Variants in MYRIP observed in about 807,000 individuals in gnomAD.
MYRIP encodes the protein rab effector MyRIP.
A neutral mutation model predicts 98.0 loss-of-function variants in MYRIP; 49 were observed. The ratio of observed to expected loss-of-function variants is 0.50; its 90% CI spans 0.40 to 0.63. The LOEUF (loss-of-function observed/expected upper bound fraction) is 0.63, where lower values mean the gene tolerates loss of function less well. Ranked by LOEUF, MYRIP falls within the 30% of genes least tolerant of loss-of-function variation. MYRIP has a pLI of 0.00. For missense variants in MYRIP, 1,004 were observed against 1,058.2 expected (o/e 0.95, Z 0.71); for synonymous variants, 404 against 409.5 (o/e 0.99, Z 0.16).
At chr3:39,879,123 G>A (rs1164906166) in intron 1 of MYRIP, among the ~76,000 whole-genome samples, 2 of 151,052 alleles carry the variant, frequency 1.3e-5, no homozygotes, top group Non-Finnish European at 2.9e-5. Context: ...TATATGTAGA[G>A]GGAGAGAGTT....
chr3:39,971,433 TA>T (rs1945580768), intron 2 of MYRIP, among the ~76,000 whole-genome samples: 1 of 152,048 alleles, frequency 6.6e-6, no homozygotes, highest in South Asian at 2.1e-4. Flanking sequence ...AGATAATAGA[TA>T]GTGTATATAT....
At chr3:40,187,939 G>T (rs1297393061) in intron 9 of MYRIP, among the ~76,000 whole-genome samples, 1 of 152,188 alleles carries the variant, frequency 6.6e-6, no homozygotes, top group Non-Finnish European at 1.5e-5. Context: ...GGTGGAGAGG[G>T]ACACTGAAGG....
chr3:40,012,449 C>T (rs915893330), intron 2 of MYRIP, among the ~76,000 whole-genome samples: 1 of 152,202 alleles, frequency 6.6e-6, no homozygotes, highest in African/African-American at 2.4e-5. Flanking sequence ...AGTGTAATAG[C>T]TTAGGTTTTT....
chr3:39,862,520 A>G (rs890361645), intron 1 of MYRIP, among the ~76,000 whole-genome samples: 4 of 152,176 alleles, frequency 2.6e-5, no homozygotes, highest in Non-Finnish European at 4.4e-5. Context: ...AAAAAATACT[A>G]TAAGCCACTA....
At chr3:40,104,167 T>C (rs564134485) in intron 3 of MYRIP, among the ~76,000 whole-genome samples, 4 of 152,326 alleles carry the variant, frequency 2.6e-5, no homozygotes, top group African/African-American at 9.6e-5. Flanking sequence ...TTGGGCTATA[T>C]AGTGGCCACT....
chr3:40,154,192 T>A (rs933226844), intron 4 of MYRIP, among the ~76,000 whole-genome samples: 4 of 151,924 alleles, frequency 2.6e-5, no homozygotes, highest in Non-Finnish European at 5.9e-5. Context: ...GTCTCACGTA[T>A]CACCCATCAC....
intron 3 of MYRIP, among the ~76,000 whole-genome samples, chr3:40,148,821 G>A (rs568362133): frequency 4.6e-5 from 7 of 152,244 alleles, no homozygotes; most frequent in African/African-American, 1.7e-4. Context: ...TTTGAACAAA[G>A]GACTTAGTTG....
intron 3 of MYRIP, among the ~76,000 whole-genome samples, chr3:40,049,505 T>C (rs1947742513): frequency 6.6e-6 from 1 of 152,186 alleles, no homozygotes; most frequent in African/African-American, 2.4e-5. Context: ...GTATTGTGTG[T>C]GTTCTGACTG....
chr3:40,071,573 CT>C (rs34441261), intron 3 of MYRIP, among the ~76,000 whole-genome samples: 55,737 of 151,692 alleles, frequency 0.37, 10,413 homozygotes, highest in East Asian at 0.59. Flanking sequence ...AGGTGTGAGG[CT>C]TTTAGGAATC....
In MYRIP at chr3:40,159,439, A is replaced by G. The variant is rs572051740; in HGVS notation, c.470-3291A>G. 1.3e-4 allele frequency among the ~76,000 whole-genome samples: 20 copies of G among 151,740 alleles called. No individual in the cohort carries two copies. The East Asian group carries it at 1.6e-3, about 12-fold the overall frequency. Reference sequence around the variant, plus strand: ...GGCTGCCCTTAACATTTTTTCCTTCATTTCAAGTTTGGTGAATCTGACAAT... The same window carrying G: ...GGCTGCCCTTAACATTTTTTCCTTCGTTTCAAGTTTGGTGAATCTGACAAT... On this transcript the variant is annotated intron_variant, in intron 4 of 16. Coordinates refer to ENST00000302541, the MANE Select transcript of MYRIP (RefSeq NM_015460.4).
chr3:40,077,929 A>T lies in MYRIP; in HGVS notation c.332+33658A>T, dbSNP rs1476470337. Among the ~76,000 whole-genome samples the T allele has an allele frequency of 4.6e-5, 7 of 152,138 alleles. No individual in the cohort carries two copies. In the South Asian group the frequency reaches 1.4e-3, roughly 32 times the overall value. ...CCCGCGCCCTGCGCCCTGCGCCCGC[A>T]CTCCTCAGCCCTTCGGTGGTTGATG... is the stretch of plus-strand genomic sequence containing the variant. On this transcript the variant is annotated intron_variant, in intron 3 of 16. Transcript: ENST00000302541.
chr3:39,887,615 C>T (rs1198492753), intron 1 of MYRIP, among the ~76,000 whole-genome samples: 3 of 152,070 alleles, frequency 2.0e-5, no homozygotes, highest in African/African-American at 7.2e-5. Context: ...TGAAAACTGG[C>T]ACAAGACAGG....
At chr3:39,815,120 A>C (rs568328286) in intron 1 of MYRIP, among the ~76,000 whole-genome samples, 1 of 152,294 alleles carries the variant, frequency 6.6e-6, no homozygotes, top group East Asian at 1.9e-4. Flanking sequence ...AATATTTTTG[A>C]ACCCTGCAAA....
intron 2 of MYRIP, among the ~76,000 whole-genome samples, chr3:39,957,543 C>G (rs1204233225): frequency 6.6e-6 from 1 of 152,054 alleles, no homozygotes; most frequent in Non-Finnish European, 1.5e-5. Flanking sequence ...ATAATAAGAG[C>G]TATTTATGAC....
intron 2 of MYRIP, among the ~76,000 whole-genome samples, chr3:39,909,146 G>A (rs551891223): frequency 7.3e-4 from 111 of 152,270 alleles, no homozygotes; most frequent in African/African-American, 2.5e-3. Flanking sequence ...ATGGGGGAAG[G>A]CCTAGGAGGA....
intron 1 of MYRIP, among the ~76,000 whole-genome samples, chr3:39,887,505 T>G (rs201188100): frequency 3.4e-4 from 50 of 146,806 alleles, no homozygotes; most frequent in African/African-American, 5.8e-4. Context: ...TCTCAATAAA[T>G]TAGGTATTGA....
chr3:40,078,751 T>C (rs1027585464), intron 3 of MYRIP, among the ~76,000 whole-genome samples: 1 of 152,206 alleles, frequency 6.6e-6, no homozygotes, highest in African/African-American at 2.4e-5. Context: ...TCACTTCTTA[T>C]GCTGCAGCAG....
intron 3 of MYRIP, among the ~76,000 whole-genome samples, chr3:40,099,593 C>T (rs1575537035): frequency 1.3e-5 from 2 of 152,318 alleles, no homozygotes; most frequent in East Asian, 1.9e-4. Flanking sequence ...TACACACACT[C>T]TCGTGCTTTT....
chr3:40,031,909 A>C (rs967387164), intron 2 of MYRIP, among the ~76,000 whole-genome samples: 45 of 152,156 alleles, frequency 3.0e-4, no homozygotes, highest in African/African-American at 1.1e-3. Context: ...CTAGCCGTCT[A>C]TCAATTTTGT....
Sources: allele counts gnomAD v4.1 joint callset (sites outside exome capture counted in the v4.1 genomes callset), GRCh38; gene constraint gnomAD v4.1.1; transcripts MANE v1.5; gene names NCBI Gene and HGNC (gene_info 2026-07-23, HGNC 2026-07-21).